The following CYP39A1 variants were observed in gnomAD, a reference collection of about 807,000 sequenced individuals.
The protein encoded by CYP39A1 is cytochrome P450 family 39 subfamily A member 1, also known as 24-hydroxycholesterol 7-alpha-hydroxylase.
In CYP39A1, 49 loss-of-function variants were observed where a neutral mutation model predicts 58.1. That is an observed-to-expected ratio of 0.84 (90% CI 0.67 to 1.07). The LOEUF (loss-of-function observed/expected upper bound fraction) is 1.07. CYP39A1 is among the 50% of genes least tolerant of loss of function. CYP39A1 has a pLI of 0.00. For synonymous variants in CYP39A1, 209 were observed against 187.6 expected, an observed-to-expected ratio of 1.11 and a Z score of -0.93; for missense variants, 531 against 539.4, an observed-to-expected ratio of 0.98 and a Z score of 0.16.
At chr6:46,572,085 T>C (rs953617542) in intron 10 of CYP39A1, among the ~76,000 whole-genome samples, 2 of 152,162 alleles carry the variant, frequency 1.3e-5, no homozygotes, top group East Asian at 3.8e-4. Flanking sequence ...TATATGTTTT[T>C]GATGTCACAA....
At chr6:46,603,247 C>T (rs1297437299) in intron 7 of CYP39A1, among the ~76,000 whole-genome samples, 1 of 152,270 alleles carries the variant, frequency 6.6e-6, no homozygotes, top group South Asian at 2.1e-4. Context: ...ATTCACTATG[C>T]CAAAGGGAAA....
At chr6:46,592,340 C>A (rs538178159) in intron 8 of CYP39A1, among the ~76,000 whole-genome samples, 1 of 152,152 alleles carries the variant, frequency 6.6e-6, no homozygotes, top group South Asian at 2.1e-4. Flanking sequence ...CATAGATAAG[C>A]CCATGTGAAA....
At chr6:46,646,816 T>C (rs1473452282) in intron 1 of CYP39A1, among the ~76,000 whole-genome samples, 1 of 152,090 alleles carries the variant, frequency 6.6e-6, no homozygotes, top group African/African-American at 2.4e-5. Flanking sequence ...TTGATCCATT[T>C]TATATAACTT....
chr6:46,638,546 A>T (rs1776136893), intron 3 of CYP39A1, among the ~76,000 whole-genome samples: 1 of 152,198 alleles, frequency 6.6e-6, no homozygotes, highest in Non-Finnish European at 1.5e-5. Flanking sequence ...GCCTTAAAAC[A>T]CTTAATACTG....
intron 6 of CYP39A1, among the ~76,000 whole-genome samples, chr6:46,628,783 T>C (rs1287497639): frequency 6.6e-6 from 1 of 152,216 alleles, no homozygotes; most frequent in Non-Finnish European, 1.5e-5. Context: ...ATTCCCACTC[T>C]GGGGCCTTTG....
chr6:46,599,116 AT>A (rs1345290697), intron 7 of CYP39A1, among the ~76,000 whole-genome samples: 3 of 152,084 alleles, frequency 2.0e-5, no homozygotes, highest in Non-Finnish European at 4.4e-5. Flanking sequence ...TCCTTCCATT[AT>A]TTGTTCAGTA....
intron 10 of CYP39A1, among the ~76,000 whole-genome samples, chr6:46,564,044 A>G (rs1771120742): frequency 6.6e-6 from 1 of 152,116 alleles, no homozygotes; most frequent in African/African-American, 2.4e-5. Flanking sequence ...GGGTTAGGCA[A>G]TGATAATAGT....
intron 11 of CYP39A1, among the ~76,000 whole-genome samples, chr6:46,551,023 G>A (rs943221125): frequency 5.9e-5 from 9 of 152,152 alleles, no homozygotes; most frequent in Non-Finnish European, 8.8e-5. Flanking sequence ...GGAGGTCAGC[G>A]TATTGTAAAT....
Position 46,637,823 on chromosome 6 carries a change from T to G in CYP39A1, c.638+6A>C, listed in dbSNP as rs767160385. The G allele has an allele frequency of 1.9e-6, 3 of 1,609,954 alleles. No individual in the cohort carries two copies. The highest frequency in any genetic ancestry group is 1.1e-5 in the South Asian group (1 of 90,036). The stretch of plus-strand genomic sequence containing the variant: ...CAATGAATTAATTATAGGAAACAAC[T>G]GTTACCTTAGAAGACACTCTGGCAA... On this transcript the variant is annotated splice_donor_region_variant and intron_variant, in intron 4 of 11. Transcript: ENST00000275016.
intron 5 of CYP39A1, among the ~76,000 whole-genome samples, chr6:46,636,041 A>G (rs1399238988): frequency 2.0e-5 from 3 of 152,256 alleles, no homozygotes; most frequent in Non-Finnish European, 2.9e-5. Flanking sequence ...AGTGGCATCA[A>G]CAACAAAGCC....
Position 46,642,193 on chromosome 6 carries a change from G to C in CYP39A1, c.283C>G (p.Leu95Val). The change falls in exon 2 of 12, where the codon CTA (leucine) becomes GTA (valine). Residue 95 changes from leucine (L) to valine (V), a missense_variant. Coordinates refer to ENST00000275016, the MANE Select transcript of CYP39A1 (RefSeq NM_016593.5). ...CGATAAACGATATTTTGCACTGCTA[G>C]TTCAAAATCTACTTTTTTGGATTTT... Reference protein sequence around the residue: ...FLKSKKVDFELAVQNIVYRTA... With the variant: ...FLKSKKVDFEVAVQNIVYRTA... The C allele has an allele frequency of 6.2e-7, 1 of 1,612,808 alleles. No individual in the cohort carries two copies. Among genetic ancestry groups the C allele is most frequent in the Non-Finnish European group, 8.5e-7 (1 of 1,179,328 alleles).
intron 7 of CYP39A1, 68 bp downstream of exon 7, chr6:46,625,350 G>T: frequency 1.8e-6 from 2 of 1,100,986 alleles, no homozygotes; most frequent in Non-Finnish European, 1.3e-6. Flanking sequence ...TAGGTATTTA[G>T]CTTTGCCAAT....
chr6:46,619,913 C>G (rs9472801), intron 7 of CYP39A1, among the ~76,000 whole-genome samples: 2 of 151,876 alleles, frequency 1.3e-5, no homozygotes, highest in African/African-American at 2.4e-5. Context: ...TCCACATAAG[C>G]CTGGGAGGTT....
chr6:46,645,686 C>T (rs1582470875), intron 1 of CYP39A1, among the ~76,000 whole-genome samples: 1 of 151,926 alleles, frequency 6.6e-6, no homozygotes, highest in Admixed American at 6.6e-5. Flanking sequence ...TTAGAATAAC[C>T]TTGTCTATAT....
In CYP39A1 at chr6:46,586,525, C is replaced by A; in HGVS notation, c.1250+552G>T. On this transcript the variant is annotated intron_variant, in intron 10 of 11. Coordinates refer to ENST00000275016, the MANE Select transcript of CYP39A1 (RefSeq NM_016593.5). Reference sequence around the variant, plus strand: ...AACAAATAAAGATAACAATAACTTTCATTAAACAATGGACACTTGCATTAG... The same window carrying A: ...AACAAATAAAGATAACAATAACTTTAATTAAACAATGGACACTTGCATTAG... 3 of 985,218 alleles carry A rather than the reference C, an allele frequency of 3.0e-6. No homozygotes were observed. In the South Asian group the frequency reaches 1.4e-4, roughly 46 times the overall value. The allele number at this position is 985,218 out of a possible 1,614,324, so 61.0% of individuals were successfully genotyped here.
rs1256424052 is a variant in CYP39A1 at position 46,607,292 on chromosome 6, G to A, written c.932-11172C>T. 5.9e-5 allele frequency among the ~76,000 whole-genome samples: 9 copies of A among 151,846 alleles called. No homozygotes were observed. The East Asian group carries it at 1.7e-3, about 29-fold the overall frequency. On this transcript the variant is annotated intron_variant, in intron 7 of 11. Transcript: ENST00000275016. Reference sequence around the variant, plus strand: ...TAGGGCTGAAATTTCAACTAAGCCTGGAAGGATGGGTTGGAGTCAGAAAGA... The same window carrying A: ...TAGGGCTGAAATTTCAACTAAGCCTAGAAGGATGGGTTGGAGTCAGAAAGA...
At chr6:46,557,028 C>T (rs1452365191) in intron 10 of CYP39A1, among the ~76,000 whole-genome samples, 1 of 151,850 alleles carries the variant, frequency 6.6e-6, no homozygotes, top group Non-Finnish European at 1.5e-5. Flanking sequence ...AATTGTGCTT[C>T]TAGCAATGAA....
intron 8 of CYP39A1, among the ~76,000 whole-genome samples, chr6:46,589,623 C>T (rs1467837926): frequency 6.6e-6 from 1 of 152,016 alleles, no homozygotes; most frequent in African/African-American, 2.4e-5. Flanking sequence ...AAATCCAAGA[C>T]TGGGAAGACA....
chr6:46,644,727 T>A (rs568460016), intron 1 of CYP39A1, among the ~76,000 whole-genome samples: 2 of 152,306 alleles, frequency 1.3e-5, no homozygotes, highest in African/African-American at 4.8e-5. Flanking sequence ...AGAAAGTGTT[T>A]TCTGGAGTGG....
Sources: gnomAD v4.1 joint callset for allele counts (sites outside exome capture counted in the v4.1 genomes callset) on GRCh38, gnomAD v4.1.1 for gene constraint, MANE v1.5 for transcripts, NCBI Gene and HGNC (gene_info 2026-07-23, HGNC 2026-07-21) for gene names.